SLC31A1: variants seen among roughly 807,000 people sequenced by gnomAD.
SLC31A1 encodes high affinity copper uptake protein 1.
SLC31A1 carries 5 observed loss-of-function variants against 17.2 expected under a neutral mutation model. The observed-to-expected ratio is 0.29, with a 90% CI of 0.15 to 0.61. SLC31A1 has a LOEUF of 0.61. Ranked by LOEUF, SLC31A1 falls within the 20% of genes least tolerant of loss-of-function variation. The pLI is 0.86. For missense variants in SLC31A1, 161 were observed against 241.4 expected (o/e 0.67, Z 2.21); for synonymous variants, 76 against 78.8 (o/e 0.96, Z 0.19).
At chr9:113,247,265 G>A (rs1012035044) in intron 1 of SLC31A1, among the ~76,000 whole-genome samples, 1 of 152,032 alleles carries the variant, frequency 6.6e-6, no homozygotes, top group Non-Finnish European at 1.5e-5. Context: ...GACCCTAATC[G>A]TTTTAAGAAA....
At chr9:113,232,992 C>T (rs1831417692) in intron 1 of SLC31A1, among the ~76,000 whole-genome samples, 1 of 152,162 alleles carries the variant, frequency 6.6e-6, no homozygotes, top group African/African-American at 2.4e-5. Flanking sequence ...CAAGAACTTC[C>T]TGTGTTTAGA....
At chr9:113,239,957 T>C (rs1831503827) in intron 1 of SLC31A1, among the ~76,000 whole-genome samples, 1 of 152,248 alleles carries the variant, frequency 6.6e-6, no homozygotes, top group Non-Finnish European at 1.5e-5. Flanking sequence ...CAGTATGTTC[T>C]GTTCATACTA....
intron 1 of SLC31A1, among the ~76,000 whole-genome samples, chr9:113,225,366 G>A (rs1405814343): frequency 1.3e-5 from 2 of 152,212 alleles, no homozygotes; most frequent in African/African-American, 4.8e-5. Flanking sequence ...ACTTAGATTG[G>A]TAGGAAGTGG....
chr9:113,225,204 T>G (rs1342684042), intron 1 of SLC31A1, among the ~76,000 whole-genome samples: 1 of 152,188 alleles, frequency 6.6e-6, no homozygotes, highest in African/African-American at 2.4e-5. Flanking sequence ...CCTAATGGTG[T>G]GATGTCAGTT....
At chr9:113,236,386 T>C (rs776113749) in intron 1 of SLC31A1, among the ~76,000 whole-genome samples, 2 of 151,622 alleles carry the variant, frequency 1.3e-5, no homozygotes, top group Non-Finnish European at 2.9e-5. Context: ...TTTTTTGAGA[T>C]GGAGTCTCAC....
intron 1 of SLC31A1, among the ~76,000 whole-genome samples, chr9:113,253,216 A>G (rs550345862): frequency 6.6e-6 from 1 of 151,978 alleles, no homozygotes; most frequent in African/African-American, 2.4e-5. Context: ...CGGCCTCCCA[A>G]AGTGCTCGGA....
At chr9:113,260,126 CCAAT>C in intron 4 of SLC31A1, 142 bp from the exon 5 acceptor site, 2 of 729,598 alleles carry the variant, frequency 2.7e-6, no homozygotes, top group Non-Finnish European at 5.0e-6. Context: ...TTTCCATGGA[CCAAT>C]CAAAGAACAT....
intron 1 of SLC31A1, among the ~76,000 whole-genome samples, chr9:113,221,903 C>T (rs1257641737): frequency 6.6e-6 from 1 of 152,224 alleles, no homozygotes; most frequent in Admixed American, 6.5e-5. Context: ...TGTATGCAAC[C>T]GGCCATTTGT....
intron 1 of SLC31A1, among the ~76,000 whole-genome samples, chr9:113,254,661 G>C (rs912225614): frequency 6.6e-6 from 1 of 152,100 alleles, no homozygotes; most frequent in Non-Finnish European, 1.5e-5. Context: ...TACTTTGGGA[G>C]GCCGAGTTGG....
At chr9:113,252,109 G>A (rs759504717) in intron 1 of SLC31A1, among the ~76,000 whole-genome samples, 2 of 152,168 alleles carry the variant, frequency 1.3e-5, no homozygotes, top group African/African-American at 2.4e-5. Context: ...CTTGCCCTGG[G>A]TCACTGATAT....
In SLC31A1 at chr9:113,260,853, G is replaced by A. The variant is rs952586419; in HGVS notation, c.*380G>A. ...TTTTTAACAGATAGTAAGTAAATTT[G>A]GTGGTTTTTTCCCCTGGGTCAGTGA... On this transcript the variant is annotated 3_prime_UTR_variant, in exon 5 of 5. Transcript: ENST00000374212. 6.4e-6 allele frequency: 2 copies of A among 314,528 alleles called. No homozygotes were observed. The highest frequency in any genetic ancestry group is 1.2e-5 in the Non-Finnish European group (2 of 161,294). The allele number at this position is 314,528 out of a possible 1,614,324, so 19.5% of individuals were successfully genotyped here. A position where few individuals can be genotyped will look rare whatever the true frequency, so the allele number is the denominator to read the frequency against.
Position 113,238,237 on chromosome 9 carries a change from G to C in SLC31A1, c.-36+16559G>C, listed in dbSNP as rs540191436. ...TTTTGGTTGTCACAACTGGGGCAAT[G>C]CTACTGGCATTGAGTCGGTAGAGGT... On this transcript the variant is annotated intron_variant, in intron 1 of 4. Transcript: ENST00000374212. Among the ~76,000 whole-genome samples the C allele has an allele frequency of 5.3e-5, 8 of 152,318 alleles. 1 individual carries two copies. Among genetic ancestry groups the C allele is most frequent in the African/African-American group, 1.9e-4 (8 of 41,570 alleles).
chr9:113,255,791 C>G (rs143944237), intron 1 of SLC31A1: 12 of 173,340 alleles, frequency 6.9e-5, no homozygotes, highest in Admixed American at 4.5e-4. Flanking sequence ...AGTTCTTTCT[C>G]TCTCCATCTG....
chr9:113,256,495 G>C, intron 2 of SLC31A1: 1 of 472,996 alleles, frequency 2.1e-6, no homozygotes, highest in Non-Finnish European at 3.8e-6. Flanking sequence ...TCTTTCTTTG[G>C]TGGTCCCTTC....
intron 1 of SLC31A1, among the ~76,000 whole-genome samples, chr9:113,243,582 T>C (rs1193869873): frequency 2.2e-4 from 4 of 18,454 alleles, no homozygotes; most frequent in East Asian, 1.5e-3. Context: ...TTTTAAGAGA[T>C]GTGGGGCGGG....
chr9:113,233,555 C>A (rs954207067), intron 1 of SLC31A1, among the ~76,000 whole-genome samples: 1 of 152,204 alleles, frequency 6.6e-6, no homozygotes, highest in African/African-American at 2.4e-5. Context: ...TTAATTTCCC[C>A]TCCCTCTGGG....
In SLC31A1 at chr9:113,256,163, C is replaced by T; in HGVS notation, c.15C>T (p.His5=). ...TCCTGGAAAAAATGGATCATTCCCACCATATGGGGATGAGCTATATGGACT... is the reference window on the plus strand; with the variant it reads ...TCCTGGAAAAAATGGATCATTCCCATCATATGGGGATGAGCTATATGGACT... MDHS[H]HMGMSYMDSN... Residue 5 remains histidine, a synonymous_variant, in exon 2 of 5, where the codon CAC becomes CAT. Transcript: ENST00000374212. 1 of 1,612,318 alleles carries T rather than the reference C, an allele frequency of 6.2e-7. No individual in the cohort carries two copies. Among genetic ancestry groups the T allele is most frequent in the Non-Finnish European group, 8.5e-7 (1 of 1,179,940 alleles).
chr9:113,254,926 G>A (rs1397007666), intron 1 of SLC31A1, among the ~76,000 whole-genome samples: 1 of 152,090 alleles, frequency 6.6e-6, no homozygotes, highest in East Asian at 1.9e-4. Flanking sequence ...AGGAATTATT[G>A]CTCCTTGGTT....
At chr9:113,256,473 A>T in intron 2 of SLC31A1, 196 bp downstream of exon 2, 1 of 525,568 alleles carries the variant, frequency 1.9e-6, no homozygotes, top group Non-Finnish European at 3.3e-6. Flanking sequence ...ACCAGAACCA[A>T]GATTTTAGGC....
Sources: allele counts gnomAD v4.1 joint callset (sites outside exome capture counted in the v4.1 genomes callset), GRCh38; gene constraint gnomAD v4.1.1; transcripts MANE v1.5; gene names NCBI Gene and HGNC (gene_info 2026-07-23, HGNC 2026-07-21).